The following SAV1 variants were observed in gnomAD, a reference collection of about 807,000 sequenced individuals.
SAV1 encodes the protein salvador family WW domain containing protein 1.
In SAV1, 23 loss-of-function variants were observed where a neutral mutation model predicts 47.3. That is an observed-to-expected ratio of 0.49 (90% CI 0.35 to 0.69). The LOEUF (loss-of-function observed/expected upper bound fraction) is 0.69. Ranked by LOEUF, SAV1 falls within the 30% of genes least tolerant of loss-of-function variation. The probability of loss-of-function intolerance (pLI) is 0.01; values close to 1 mark genes in which losing one functional copy is unlikely to be tolerated. For synonymous variants in SAV1, 155 were observed against 159.2 expected (o/e 0.97, Z 0.20); for missense variants, 448 against 457.4 (o/e 0.98, Z 0.19).
chr14:50,649,156 C>T (rs2039747239), intron 2 of SAV1, among the ~76,000 whole-genome samples: 1 of 152,184 alleles, frequency 6.6e-6, no homozygotes, highest in South Asian at 2.1e-4. Context: ...TCTTGGCTCA[C>T]TCTCACCCTC....
chr14:50,642,230 T>C (rs1006913604), intron 3 of SAV1, among the ~76,000 whole-genome samples: 12 of 152,176 alleles, frequency 7.9e-5, no homozygotes, highest in South Asian at 2.1e-4. Context: ...AGCATGAGGA[T>C]TGAAAACTAC....
chr14:50,643,202 T>TA (rs956787985), intron 3 of SAV1, among the ~76,000 whole-genome samples: 2 of 152,208 alleles, frequency 1.3e-5, no homozygotes, highest in African/African-American at 4.8e-5. Context: ...AAATTGCTTT[T>TA]AAAAAACTAT....
intron 2 of SAV1, among the ~76,000 whole-genome samples, chr14:50,664,017 G>C (rs1180409774): frequency 2.0e-5 from 3 of 152,130 alleles, no homozygotes; most frequent in African/African-American, 7.2e-5. Flanking sequence ...TAAAGGCCAA[G>C]CTCAAGGCCC....
intron 2 of SAV1, among the ~76,000 whole-genome samples, chr14:50,656,530 C>A (rs1242211921): frequency 6.6e-6 from 1 of 150,960 alleles, no homozygotes; most frequent in Non-Finnish European, 1.5e-5. Flanking sequence ...GCAAGCTCTG[C>A]CTCCTGGGTT....
At chr14:50,651,691 A>G (rs1477838274) in intron 2 of SAV1, among the ~76,000 whole-genome samples, 7 of 152,172 alleles carry the variant, frequency 4.6e-5, no homozygotes, top group African/African-American at 1.4e-4. Flanking sequence ...CAGTGGCACA[A>G]TTACGGCTCA....
intron 2 of SAV1, among the ~76,000 whole-genome samples, chr14:50,653,925 CATT>C (rs2039791384): frequency 6.6e-6 from 1 of 151,596 alleles, no homozygotes; most frequent in South Asian, 2.1e-4. Context: ...TGTGCAATAG[CATT>C]ATATCTTTAA....
chr14:50,666,781 TAAA>T (rs780489912), intron 1 of SAV1, among the ~76,000 whole-genome samples: 1 of 137,116 alleles, frequency 7.3e-6, no homozygotes, highest in South Asian at 2.4e-4. Flanking sequence ...ATCAAGTTGT[TAAA>T]AAAAAAAAAA....
At chr14:50,647,027 C>T (rs2039728000) in intron 2 of SAV1, among the ~76,000 whole-genome samples, 1 of 152,100 alleles carries the variant, frequency 6.6e-6, no homozygotes. Flanking sequence ...AATGATGTTG[C>T]AACAACTGGA....
At chr14:50,641,127 C>G (rs1361146193) in intron 3 of SAV1, among the ~76,000 whole-genome samples, 1 of 152,062 alleles carries the variant, frequency 6.6e-6, no homozygotes, top group African/African-American at 2.4e-5. Flanking sequence ...AACCTTTATA[C>G]AAAGGCTTAA....
chr14:50,663,117 A>G (rs1275120456), intron 2 of SAV1: 1 of 152,214 alleles, frequency 6.6e-6, no homozygotes, highest in Non-Finnish European at 1.5e-5. Context: ...AGTCATTAAA[A>G]CCACTCATAA....
At chr14:50,663,700 C>T (rs1316451410) in intron 2 of SAV1, among the ~76,000 whole-genome samples, 1 of 152,104 alleles carries the variant, frequency 6.6e-6, no homozygotes, top group Non-Finnish European at 1.5e-5. Flanking sequence ...TTTCCTATTA[C>T]CACTGGTACC....
intron 2 of SAV1, among the ~76,000 whole-genome samples, chr14:50,662,018 T>C (rs896149193): frequency 2.0e-5 from 3 of 152,196 alleles, no homozygotes; most frequent in Admixed American, 6.5e-5. Flanking sequence ...GGTATTTTAA[T>C]AGGGATTGCA....
chr14:50,665,153 C>T (rs945798610), intron 2 of SAV1, 26 bp downstream of exon 2: 3 of 1,486,280 alleles, frequency 2.0e-6, no homozygotes, highest in Non-Finnish European at 2.7e-6. Context: ...ATATAAACTA[C>T]TATATTATTT....
chr14:50,645,006 T>C lies in SAV1; in HGVS notation c.544A>G (p.Arg182Gly). 1.2e-6 allele frequency: 2 copies of C among 1,608,422 alleles called. No individual in the cohort carries two copies. The highest frequency in any genetic ancestry group is 1.3e-5 in the African/African-American group (1 of 74,916). Reference protein sequence around the residue: ...NQGRHASGIGRVAATSLGNLT... With the variant: ...NQGRHASGIGGVAATSLGNLT... ...TTTCCTAAAGATGTAGCAGCAACTC[T>C]CCCAATACCTACGGGGAAAGAGAAA... Residue 182 changes from arginine (R) to glycine (G), a missense_variant, in exon 3 of 5, where the codon AGA (arginine) becomes GGA (glycine). Physicochemically the swap from Arg to Gly is moderately radical, Grantham distance 125. Transcript: ENST00000324679.
intron 2 of SAV1, among the ~76,000 whole-genome samples, chr14:50,646,375 G>A (rs746025888): frequency 5.3e-5 from 8 of 152,114 alleles, no homozygotes; most frequent in African/African-American, 1.4e-4. Flanking sequence ...TGGATAAAGC[G>A]AGACTACTGT....
At chr14:50,655,626 G>A (rs972817177) in intron 2 of SAV1, among the ~76,000 whole-genome samples, 6 of 151,806 alleles carry the variant, frequency 4.0e-5, no homozygotes, top group Admixed American at 6.6e-5. Flanking sequence ...GGGTTTCACC[G>A]TGTTGGTCAG....
intron 3 of SAV1, among the ~76,000 whole-genome samples, chr14:50,642,566 A>G (rs988882427): frequency 1.3e-5 from 2 of 152,002 alleles, no homozygotes; most frequent in Non-Finnish European, 2.9e-5. Context: ...TCTGTACCAA[A>G]TCCCCAAGCC....
intron 2 of SAV1, among the ~76,000 whole-genome samples, chr14:50,652,247 T>G (rs34108838): frequency 6.8e-6 from 1 of 146,058 alleles, no homozygotes; most frequent in African/African-American, 2.8e-5. Flanking sequence ...CAATTAAACA[T>G]TTTTTTAAAA....
intron 2 of SAV1, among the ~76,000 whole-genome samples, chr14:50,658,354 T>C (rs528365287): frequency 1.3e-4 from 20 of 152,346 alleles, no homozygotes; most frequent in South Asian, 8.3e-4. Context: ...AGTCTGCCTT[T>C]AGTATTCCAA....
Sources: gnomAD v4.1 joint callset for allele counts (sites outside exome capture counted in the v4.1 genomes callset) on GRCh38, gnomAD v4.1.1 for gene constraint, MANE v1.5 for transcripts, NCBI Gene and HGNC (gene_info 2026-07-23, HGNC 2026-07-21) for gene names.